The following PNPLA7 variants were observed in gnomAD, a reference collection of about 807,000 sequenced individuals.
The protein encoded by PNPLA7 is patatin-like phospholipase domain-containing protein 7.
A neutral mutation model predicts 161.7 loss-of-function variants in PNPLA7; 153 were observed. The ratio of observed to expected loss-of-function variants is 0.95; its 90% CI spans 0.83 to 1.08. PNPLA7 has a LOEUF of 1.08. Among genes scored for constraint, PNPLA7 ranks in the 50% least tolerant of loss-of-function variants. PNPLA7 has a pLI of 0.00. For synonymous variants in PNPLA7, 809 were observed against 782.1 expected (o/e 1.03, Z -0.57); for missense variants, 1,739 against 1,856.6 (o/e 0.94, Z 1.16).
rs1280047188 is a variant in PNPLA7, at chr9:137,530,396, C to T, written c.748-7539G>A. Among the ~76,000 whole-genome samples, 5 of 152,400 alleles carry T rather than the reference C, an allele frequency of 3.3e-5. No homozygotes were observed. The South Asian group carries it at 8.3e-4, about 25-fold the overall frequency. ...GGCTCTCTCCTCCCTGAGATCCACACACTCTCTCTGGCCCTTGGGGGCCCT... is the reference window on the plus strand; with the variant it reads ...GGCTCTCTCCTCCCTGAGATCCACATACTCTCTCTGGCCCTTGGGGGCCCT... On this transcript the variant is annotated intron_variant, in intron 8 of 34. Coordinates refer to ENST00000406427, the MANE Select transcript of PNPLA7 (RefSeq NM_001098537.3).
Position 137,462,173 on chromosome 9 carries a change from A to G in PNPLA7, c.3645+6T>C. 1.9e-6 allele frequency: 3 copies of G among 1,558,838 alleles called. No individual in the cohort carries two copies. Among genetic ancestry groups the G allele is most frequent in the Non-Finnish European group, 2.6e-6 (3 of 1,148,804 alleles). On this transcript the variant is annotated splice_donor_region_variant and intron_variant, in intron 31 of 34. Coordinates refer to ENST00000406427, the MANE Select transcript of PNPLA7 (RefSeq NM_001098537.3). The stretch of plus-strand genomic sequence containing the variant: ...GCCTCCGCCGCCGCGGGTGGCCGGC[A>G]CTCACGCAGATCTCGTTGAACTTGC...
At chr9:137,511,647 G>A (rs1347612011) in intron 12 of PNPLA7, among the ~76,000 whole-genome samples, 1 of 152,188 alleles carries the variant, frequency 6.6e-6, no homozygotes, top group Non-Finnish European at 1.5e-5. Context: ...TCTTGTGGGG[G>A]GCCTGACATT....
intron 26 of PNPLA7, among the ~76,000 whole-genome samples, chr9:137,465,087 C>T (rs1012704966): frequency 6.6e-5 from 10 of 152,298 alleles, no homozygotes; most frequent in Admixed American, 4.6e-4. Flanking sequence ...TCTTCCCTGC[C>T]ATAGTGAGCC....
chr9:137,465,744 G>T (rs1323065890), intron 26 of PNPLA7, among the ~76,000 whole-genome samples: 7 of 152,150 alleles, frequency 4.6e-5, no homozygotes, highest in Non-Finnish European at 1.0e-4. Context: ...CCGCACAGGG[G>T]GTGACGAATT....
chr9:137,479,069 C>T lies in PNPLA7; in HGVS notation c.2750G>A (p.Ser917Asn), dbSNP rs770895080. 21 of 1,587,672 alleles carry T rather than the reference C, an allele frequency of 1.3e-5. No homozygotes were observed. Among genetic ancestry groups the T allele is most frequent in the Non-Finnish European group, 1.5e-5 (18 of 1,165,164 alleles). ...CCPRRVFSRRSLPKLVEMYKH... is the reference protein window; with the variant it reads ...CCPRRVFSRRNLPKLVEMYKH... The stretch of plus-strand genomic sequence containing the variant: ...TCCCCGCCTCACCAGCTTGGGCAGG[C>T]TCCTCCTGGAGAAGACGCGGCGCGG... The change falls in exon 24 of 35, where the codon AGC becomes AAC. Residue 917 changes from serine (S) to asparagine (N), a missense_variant. This residue lies in a region of PNPLA7 where 703 missense variants were observed against 694.6 expected (regional missense o/e 1.01). Coordinates refer to ENST00000406427, the MANE Select transcript of PNPLA7 (RefSeq NM_001098537.3).
intron 16 of PNPLA7, among the ~76,000 whole-genome samples, chr9:137,498,961 C>G (rs1233242545): frequency 2.6e-5 from 4 of 152,060 alleles, no homozygotes; most frequent in Non-Finnish European, 5.9e-5. Context: ...CTGCTTTGCA[C>G]AGGAGGTGGG....
chr9:137,518,363 A>C, intron 11 of PNPLA7, among the ~76,000 whole-genome samples: 1 of 59,524 alleles, frequency 1.7e-5, no homozygotes, highest in Non-Finnish European at 3.1e-5. Context: ...TCCCCCACTC[A>C]CTCATTCCAC....
Position 137,500,679 on chromosome 9 carries a change from C to T in PNPLA7, c.1757+12G>A, listed in dbSNP as rs781678019. ...TGGGGCCCGCCCTGAGGTCCTGGCC[C>T]GTGGGACTCACTCATAGAAGTGGGC... On this transcript the variant is annotated intron_variant, in intron 16 of 34. Coordinates refer to ENST00000406427, the MANE Select transcript of PNPLA7 (RefSeq NM_001098537.3). The surrounding 1 kb of genome is among the most constrained non-coding windows in gnomAD (Gnocchi z 5.5). 37 of 1,611,400 alleles carry T rather than the reference C, an allele frequency of 2.3e-5. No homozygotes were observed. The highest frequency in any genetic ancestry group is 2.0e-4 in the Admixed American group (12 of 59,912).
intron 8 of PNPLA7, among the ~76,000 whole-genome samples, chr9:137,528,097 T>C (rs536210236): frequency 5.9e-5 from 9 of 152,386 alleles, no homozygotes; most frequent in South Asian, 2.1e-4. Flanking sequence ...ATGTGCACTC[T>C]TTCATGTCTA....
Position 137,522,856 on chromosome 9 carries a change from C to CCCTGTAACAACAGCT in PNPLA7, c.748-14_748dup (p.Thr249_Gly250insGluLeuLeuLeuGln). 1.2e-6 allele frequency: 2 copies of CCCTGTAACAACAGCT among 1,613,204 alleles called. No homozygotes were observed. The highest frequency in any genetic ancestry group is 1.7e-6 in the Non-Finnish European group (2 of 1,179,732). On this transcript the variant is annotated inframe_insertion and splice_region_variant, in exon 9 of 35. Transcript: ENST00000406427. Reference sequence around the variant, plus strand: ...GACCGTTTTGTAAGGTGCAGCATGGCCCTGTAACAACAGCTCCATCAGTCC... The same window carrying CCCTGTAACAACAGCT: ...GACCGTTTTGTAAGGTGCAGCATGGCCCTGTAACAACAGCTCCTGTAACAACAGCTCCATCAGTCC...
rs374416034 is a variant in PNPLA7, at chr9:137,462,833, G to A, written c.3344C>T (p.Ala1115Val). Residue 1115 changes from alanine to valine, a missense_variant and splice_region_variant, in exon 30 of 35, where the codon GCG becomes GTG. By Grantham distance (64) the Ala-to-Val change is moderately conservative. Coordinates refer to ENST00000406427, the MANE Select transcript of PNPLA7 (RefSeq NM_001098537.3). ...TGCCCCCATGGACCGGGCCACATCC[G>A]CTAGGGAGAAGCCAGCCCTGGTTAC... ...MDGGYINNLP[A>V]DVARSMGAKV... 4.3e-5 allele frequency: 70 copies of A among 1,613,530 alleles called. No individual in the cohort carries two copies. The highest frequency in any genetic ancestry group is 2.3e-4 in the Admixed American group (14 of 59,980).
At chr9:137,497,974 C>G in intron 17 of PNPLA7, 140 bp downstream of exon 17, 1 of 1,353,594 alleles carries the variant, frequency 7.4e-7, no homozygotes, top group Non-Finnish European at 1.0e-6. Context: ...TGGGGTGGGG[C>G]TGGGGAAATC....
rs988308504 is a variant in PNPLA7 at position 137,543,371 on chromosome 9, C to A, written c.506+61G>T. The A allele has an allele frequency of 1.9e-6, 3 of 1,607,188 alleles. No homozygotes were observed. The Admixed American group carries it at 5.1e-5, about 27-fold the overall frequency. On this transcript the variant is annotated intron_variant, in intron 6 of 34. Transcript: ENST00000406427. This position sits in a 1 kb window ranked among gnomAD's most constrained non-coding sequence, Gnocchi z 6.9. ...AGACGGCCAAGCTGGAGCCAGGCCCCAGCGAGAAGCCCGGGGCTATGGGAG... is the reference window on the plus strand; with the variant it reads ...AGACGGCCAAGCTGGAGCCAGGCCCAAGCGAGAAGCCCGGGGCTATGGGAG...
At chr9:137,546,067 G>C (rs560536011) in intron 4 of PNPLA7, among the ~76,000 whole-genome samples, 1 of 152,078 alleles carries the variant, frequency 6.6e-6, no homozygotes, top group Non-Finnish European at 1.5e-5. Flanking sequence ...CAGTGGTCAC[G>C]CTCCTAGTCC....
intron 19 of PNPLA7, among the ~76,000 whole-genome samples, chr9:137,493,929 G>T (rs1180289894): frequency 6.6e-6 from 1 of 152,162 alleles, no homozygotes; most frequent in East Asian, 1.9e-4. Context: ...GCGGGCAGGA[G>T]AACCAGGATC....
chr9:137,494,212 T>C (rs920891780), intron 19 of PNPLA7, among the ~76,000 whole-genome samples: 1 of 152,170 alleles, frequency 6.6e-6, no homozygotes, highest in Non-Finnish European at 1.5e-5. Context: ...CGGTCCTTCC[T>C]GGGCGCTCTC....
chr9:137,491,741 A>G (rs983855295), intron 20 of PNPLA7: 19 of 985,376 alleles, frequency 1.9e-5, no homozygotes, highest in Non-Finnish European at 4.8e-6. Context: ...CTTCTTGGAC[A>G]GACGTTCAAT....
rs1836220138 is a variant in PNPLA7, at chr9:137,541,785, A to C, written c.666+857T>G. Among the ~76,000 whole-genome samples the C allele has an allele frequency of 6.6e-6, 1 of 151,864 alleles. No individual in the cohort carries two copies. Among genetic ancestry groups the C allele is most frequent in the Non-Finnish European group, 1.5e-5 (1 of 67,958 alleles). On this transcript the variant is annotated intron_variant, in intron 7 of 34. Transcript: ENST00000406427. This position sits in a 1 kb window ranked among gnomAD's most constrained non-coding sequence, Gnocchi z 4.4. ...GAGCTCCTACGTGGATTCACACCCGAATTTTTTTTTTTTTGAGACAGGGTC... is the reference window on the plus strand; with the variant it reads ...GAGCTCCTACGTGGATTCACACCCGCATTTTTTTTTTTTTGAGACAGGGTC...
At chr9:137,479,813 C>A in intron 23 of PNPLA7, 1 of 985,466 alleles carries the variant, frequency 1.0e-6, no homozygotes, top group Non-Finnish European at 1.2e-6. Flanking sequence ...TGGGAACCTG[C>A]AGACACAGCC....
Sources: gnomAD v4.1 joint callset for allele counts (sites outside exome capture counted in the v4.1 genomes callset) on GRCh38, gnomAD v4.1.1 for gene constraint, gnomAD v4.1.1 regional missense constraint, Gnocchi (gnomAD v3.1) non-coding constraint, MANE v1.5 for transcripts, NCBI Gene and HGNC (gene_info 2026-07-23, HGNC 2026-07-21) for gene names.